Variants in DPP6 observed in about 807,000 individuals in gnomAD.
DPP6 encodes dipeptidyl peptidase like 6.
A neutral mutation model predicts 122.6 loss-of-function variants in DPP6; 69 were observed. That is an observed-to-expected ratio of 0.56 (90% CI 0.46 to 0.69). DPP6 has a LOEUF of 0.69. Among genes scored for constraint, DPP6 ranks in the 30% least tolerant of loss-of-function variants. The pLI is 0.00. For synonymous variants in DPP6, 418 were observed against 433.1 expected (o/e 0.97, Z 0.43); for missense variants, 928 against 1,116.9 (o/e 0.83, Z 2.41).
At chr7:153,838,802 C>T in the DPP6 span, among the ~76,000 whole-genome samples, 11 of 152,196 alleles carry the variant, frequency 7.2e-5, no homozygotes, top group Non-Finnish European at 1.6e-4. Context: ...CAGCAGATGA[C>T]ATTTGCTTTA....
At chr7:154,130,090 C>CCA (rs369287058) in intron 1 of DPP6, among the ~76,000 whole-genome samples, 45 of 150,720 alleles carry the variant, frequency 3.0e-4, no homozygotes, top group African/African-American at 9.6e-4. Context: ...CTCTGTCCCC[C>CCA]CACACACACA....
At chr7:154,362,725 G>A (rs768424536) in intron 1 of DPP6, among the ~76,000 whole-genome samples, 28 of 151,844 alleles carry the variant, frequency 1.8e-4, no homozygotes, top group Non-Finnish European at 3.7e-4. Context: ...ATGCCTGGCC[G>A]CAATAGAGTT....
intron 1 of DPP6, among the ~76,000 whole-genome samples, chr7:153,895,528 C>A (rs1161311785): frequency 6.6e-6 from 1 of 152,192 alleles, no homozygotes; most frequent in Non-Finnish European, 1.5e-5. Context: ...ATTTCTTCTG[C>A]ATTGACTTAT....
chr7:154,080,136 G>C (rs1407412658), intron 1 of DPP6, among the ~76,000 whole-genome samples: 1 of 152,122 alleles, frequency 6.6e-6, no homozygotes, highest in Middle Eastern at 3.4e-3. Context: ...ACTTTGCATG[G>C]AGAAGGAGTA....
chr7:154,404,623 C>G (rs549953849), intron 1 of DPP6, among the ~76,000 whole-genome samples: 1 of 152,088 alleles, frequency 6.6e-6, no homozygotes, highest in Non-Finnish European at 1.5e-5. Context: ...TTCAACTTAA[C>G]CAGTAATGAT....
chr7:154,784,276 T>A (rs12719627), intron 10 of DPP6, among the ~76,000 whole-genome samples: 22 of 151,910 alleles, frequency 1.4e-4, no homozygotes, highest in Non-Finnish European at 3.2e-4. Flanking sequence ...GAGAGAGACC[T>A]AGGACAAGAG....
chr7:153,848,407 G>C, the DPP6 span, among the ~76,000 whole-genome samples: 1 of 151,994 alleles, frequency 6.6e-6, no homozygotes, highest in African/African-American at 2.4e-5. Context: ...AGAGAATTCA[G>C]CTGCCTTTTG....
intron 1 of DPP6, among the ~76,000 whole-genome samples, chr7:154,002,860 T>C (rs1797747586): frequency 6.6e-6 from 1 of 152,114 alleles, no homozygotes; most frequent in Non-Finnish European, 1.5e-5. Flanking sequence ...TAACACACTT[T>C]CTAAGTGAGA....
In DPP6 at chr7:153,950,789, G is replaced by A. The variant is rs539787016; in HGVS notation, c.51+63055G>A. On this transcript the variant is annotated intron_variant, in intron 1 of 25. Coordinates refer to the DPP6 transcript ENST00000404039. ...AAGATGGAGATGCAGACATGGACATGTACAATGGCAAGGAACATATCGGTG... is the reference window on the plus strand; with the variant it reads ...AAGATGGAGATGCAGACATGGACATATACAATGGCAAGGAACATATCGGTG... 7.2e-5 allele frequency among the ~76,000 whole-genome samples: 11 copies of A among 152,336 alleles called. 1 individual carries two copies. In the South Asian group the frequency reaches 2.1e-3, roughly 29 times the overall value.
chr7:154,561,261 CAT>C (rs1226019486), intron 4 of DPP6, among the ~76,000 whole-genome samples: 4 of 152,222 alleles, frequency 2.6e-5, no homozygotes, highest in Non-Finnish European at 4.4e-5. Flanking sequence ...ACCGAATTGA[CAT>C]GTGTGCATCA....
At chr7:154,574,993 T>A (rs1048699663) in intron 5 of DPP6, among the ~76,000 whole-genome samples, 4 of 144,756 alleles carry the variant, frequency 2.8e-5, no homozygotes, top group Non-Finnish European at 6.1e-5. Flanking sequence ...TGTGTGTATA[T>A]GTGTGGGGTG....
At chr7:154,217,151 G>T (rs1585655690) in intron 1 of DPP6, among the ~76,000 whole-genome samples, 1 of 150,600 alleles carries the variant, frequency 6.6e-6, no homozygotes, top group Non-Finnish European at 1.5e-5. Flanking sequence ...ATTTTTTTTT[G>T]GAAAAGGCAC....
At chr7:154,703,538 G>C (rs1483484901) in intron 7 of DPP6, among the ~76,000 whole-genome samples, 1 of 150,138 alleles carries the variant, frequency 6.7e-6, no homozygotes, top group East Asian at 2.0e-4. Flanking sequence ...AGAATCACTT[G>C]AACCCAGGAG....
At chr7:153,757,682 G>T in the DPP6 span, among the ~76,000 whole-genome samples, 1 of 152,216 alleles carries the variant, frequency 6.6e-6, no homozygotes, top group African/African-American at 2.4e-5. Flanking sequence ...CATGGGCCGG[G>T]CACGGTGGTT....
intron 1 of DPP6, among the ~76,000 whole-genome samples, chr7:154,362,438 G>A (rs867894352): frequency 6.6e-6 from 1 of 152,088 alleles, no homozygotes; most frequent in Non-Finnish European, 1.5e-5. Context: ...TTTTTGAGAC[G>A]GAGTTTCACC....
intron 1 of DPP6, among the ~76,000 whole-genome samples, chr7:153,946,409 T>C (rs1254133097): frequency 6.6e-6 from 1 of 152,174 alleles, no homozygotes; most frequent in Non-Finnish European, 1.5e-5. Context: ...GCGTGGCATT[T>C]GTAAACTGTC....
intron 1 of DPP6, among the ~76,000 whole-genome samples, chr7:154,013,458 C>CTTTTCTTT (rs1554434172): frequency 1.6e-5 from 2 of 127,364 alleles, no homozygotes; most frequent in African/African-American, 6.0e-5. Flanking sequence ...GGTTTCTTTT[C>CTTTTCTTT]TTTTTTTTTT....
At chr7:153,800,421 T>A in the DPP6 span, among the ~76,000 whole-genome samples, 2 of 152,160 alleles carry the variant, frequency 1.3e-5, no homozygotes, top group African/African-American at 4.8e-5. Context: ...ACGCTGGGAA[T>A]GGTGTTGAGG....
chr7:154,513,800 C>T (rs1300323815), intron 3 of DPP6, among the ~76,000 whole-genome samples: 1 of 152,146 alleles, frequency 6.6e-6, no homozygotes, highest in Non-Finnish European at 1.5e-5. Context: ...ACTGTCCAAC[C>T]CTGGGCACGT....
Sources: allele counts gnomAD v4.1 joint callset (sites outside exome capture counted in the v4.1 genomes callset), GRCh38; gene constraint gnomAD v4.1.1; transcripts MANE v1.5; gene names NCBI Gene and HGNC (gene_info 2026-07-23, HGNC 2026-07-21).